The following SH3BP2 variants were observed in gnomAD, a reference collection of about 807,000 sequenced individuals.
SH3BP2 encodes the protein SH3 domain binding protein 2.
Under a neutral mutation model 56.2 loss-of-function variants are expected in SH3BP2, and 38 were observed. That is an observed-to-expected ratio of 0.68 (90% CI 0.52 to 0.89). SH3BP2 has a LOEUF of 0.89. Among genes scored for constraint, SH3BP2 ranks in the 40% least tolerant of loss-of-function variants. The pLI is 0.00. For synonymous variants in SH3BP2, 346 were observed against 316.7 expected (o/e 1.09, Z -0.98); for missense variants, 748 against 762.6 (o/e 0.98, Z 0.23).
chr4:2,820,761 C>T lies in SH3BP2; in HGVS notation c.136+8C>T. 1 of 1,612,316 alleles carries T rather than the reference C, an allele frequency of 6.2e-7. No individual in the cohort carries two copies. The highest frequency in any genetic ancestry group is 1.1e-5 in the South Asian group (1 of 90,980). ...AGCTGCAGCTGCTGAAATGTGAGTCCCTGGGGTGGTAGGGTGCACAGTAGG... is the reference window on the plus strand; with the variant it reads ...AGCTGCAGCTGCTGAAATGTGAGTCTCTGGGGTGGTAGGGTGCACAGTAGG... On this transcript the variant is annotated splice_region_variant and intron_variant, in intron 2 of 12. Transcript: ENST00000503393.
At chr4:2,820,828 T>C in intron 2 of SH3BP2, 75 bp downstream of exon 2, 1 of 1,459,786 alleles carries the variant, frequency 6.9e-7, no homozygotes, top group Non-Finnish European at 9.3e-7. Context: ...AAGCATCCTC[T>C]CCAAGCCTCT....
intron 1 of SH3BP2, among the ~76,000 whole-genome samples, chr4:2,813,891 G>A (rs143652736): frequency 7.9e-4 from 121 of 152,278 alleles, no homozygotes; most frequent in African/African-American, 2.5e-3. Flanking sequence ...GACAGGATGC[G>A]CATATATGAG....
intron 1 of SH3BP2, among the ~76,000 whole-genome samples, chr4:2,805,566 C>T (rs1723498385): frequency 6.6e-6 from 1 of 152,230 alleles, no homozygotes; most frequent in African/African-American, 2.4e-5. Context: ...GGGCACTGTT[C>T]AGGCACCAAG....
intron 1 of SH3BP2, among the ~76,000 whole-genome samples, chr4:2,801,743 G>A (rs1329782535): frequency 6.6e-6 from 1 of 152,246 alleles, no homozygotes; most frequent in Non-Finnish European, 1.5e-5. Context: ...CAGAAGGCAA[G>A]GGAATAGAAT....
chr4:2,818,977 C>T (rs1269464810), intron 1 of SH3BP2: 20 of 856,884 alleles, frequency 2.3e-5, no homozygotes, highest in African/African-American at 5.5e-5. Flanking sequence ...CTCAGTTGCC[C>T]AGACTGGAGA....
rs1189377182 is a variant in SH3BP2 at position 2,829,744 on chromosome 4, C to A, written c.838C>A (p.Pro280Thr). 1.9e-6 allele frequency: 3 copies of A among 1,612,874 alleles called. No homozygotes were observed. The highest frequency in any genetic ancestry group is 1.6e-4 in the Middle Eastern group (1 of 6,062). ...TGCTACCCCCCGAAGGATGAGCGAT[C>A]CCCCTCTGAGCACCATGCCCACCGC... is the stretch of plus-strand genomic sequence containing the variant. Reference protein sequence around the residue: ...VPATPRRMSDPPLSTMPTAPG... With the variant: ...VPATPRRMSDTPLSTMPTAPG... The change falls in exon 8 of 13, where the codon CCC becomes ACC. Residue 280 changes from proline (P) to threonine (T), a missense_variant. Physicochemically the swap from Pro to Thr is conservative, Grantham distance 38. This residue lies in a region of SH3BP2 where 635 missense variants were observed against 615.0 expected (regional missense o/e 1.03). Transcript: ENST00000503393. The surrounding 1 kb of genome is among the most constrained non-coding windows in gnomAD (Gnocchi z 4.9).
chr4:2,797,458 A>G (rs1037157889), intron 1 of SH3BP2, among the ~76,000 whole-genome samples: 4 of 152,244 alleles, frequency 2.6e-5, no homozygotes, highest in African/African-American at 9.6e-5. Context: ...GCAAGAGCAG[A>G]CAGGCCACAG....
intron 1 of SH3BP2, among the ~76,000 whole-genome samples, chr4:2,803,500 G>A (rs1366750577): frequency 2.0e-5 from 3 of 152,190 alleles, no homozygotes; most frequent in Non-Finnish European, 4.4e-5. Flanking sequence ...CGTGGAGGGG[G>A]AGGACGGAGC....
Position 2,824,605 on chromosome 4 carries a change from G to T in SH3BP2, c.240-8G>T, listed in dbSNP as rs1407193340. 6.2e-7 allele frequency: 1 copy of T among 1,605,244 alleles called. No individual in the cohort carries two copies. The highest frequency in any genetic ancestry group is 8.5e-7 in the Non-Finnish European group (1 of 1,172,918). Reference sequence around the variant, plus strand: ...ACCAGGCCGTGACCCCTGGCGCTGTGCCCCCAGGGTGATGCGGGCGGCTGA... The same window carrying T: ...ACCAGGCCGTGACCCCTGGCGCTGTTCCCCCAGGGTGATGCGGGCGGCTGA... On this transcript the variant is annotated splice_polypyrimidine_tract_variant and splice_region_variant and intron_variant, in intron 3 of 12. Coordinates refer to ENST00000503393, the MANE Select transcript of SH3BP2 (RefSeq NM_001122681.2).
chr4:2,832,311 A>T lies in SH3BP2; in HGVS notation c.1407-20A>T, dbSNP rs777951569. ...CTGCCCGAGGAGGACTCACCCGCTA[A>T]TATGACTGTCTTATTTTAGGTTGTT... On this transcript the variant is annotated intron_variant, in intron 10 of 12. Transcript: ENST00000503393. 1.9e-6 allele frequency: 3 copies of T among 1,605,956 alleles called. No individual in the cohort carries two copies. Among genetic ancestry groups the T allele is most frequent in the Non-Finnish European group, 2.6e-6 (3 of 1,172,538 alleles).
chr4:2,806,744 G>A (rs1723551094), intron 1 of SH3BP2, among the ~76,000 whole-genome samples: 1 of 152,228 alleles, frequency 6.6e-6, no homozygotes, highest in Non-Finnish European at 1.5e-5. Context: ...TCCAGGTGTG[G>A]AGGCCCCCGG....
At chr4:2,797,386 C>T (rs776734237) in intron 1 of SH3BP2, among the ~76,000 whole-genome samples, 2 of 152,140 alleles carry the variant, frequency 1.3e-5, no homozygotes, top group Non-Finnish European at 2.9e-5. Flanking sequence ...GCTGCCCAGC[C>T]CCGGGCCCCA....
Position 2,840,752 on chromosome 4 carries a change from C to G in SH3BP2, c.*6918C>G, listed in dbSNP as rs1725396635. 1 of 152,184 alleles carries G rather than the reference C, an allele frequency of 6.6e-6. No individual in the cohort carries two copies. Among genetic ancestry groups the G allele is most frequent in the African/African-American group, 2.4e-5 (1 of 41,446 alleles). The allele number at this position is 152,184 out of a possible 1,614,324, so 9.4% of individuals were successfully genotyped here. A position where few individuals can be genotyped will look rare whatever the true frequency, so the allele number is the denominator to read the frequency against. On this transcript the variant is annotated 3_prime_UTR_variant, in exon 13 of 13. Transcript: ENST00000503393. ...TGTCAATTCCAACAACAATGATGCA[C>G]TTGATAGTTTGGGAATTTATTATAG...
chr4:2,818,694 G>T (rs996821256), intron 1 of SH3BP2: 1 of 1,001,206 alleles, frequency 1.0e-6, no homozygotes, highest in Admixed American at 6.0e-5. Context: ...GCGGCGGGGT[G>T]TGGCGGCGCC....
intron 2 of SH3BP2, among the ~76,000 whole-genome samples, chr4:2,822,423 G>A (rs1355927348): frequency 2.0e-5 from 3 of 152,170 alleles, no homozygotes; most frequent in Non-Finnish European, 4.4e-5. Context: ...AGGCTGGAGT[G>A]CAGTAGCACG....
At position 2,836,463 on chromosome 4, in the gene SH3BP2, C is replaced by G. The variant is rs915010212; in HGVS notation, c.*2629C>G. 2.0e-5 allele frequency: 3 copies of G among 152,240 alleles called. No homozygotes were observed. Among genetic ancestry groups the G allele is most frequent in the African/African-American group, 7.2e-5 (3 of 41,438 alleles). 9.4% of individuals were successfully genotyped at this position (152,240 alleles called of 1,614,324 possible). A position where few individuals can be genotyped will look rare whatever the true frequency, so the allele number is the denominator to read the frequency against. On this transcript the variant is annotated 3_prime_UTR_variant, in exon 13 of 13. Transcript: ENST00000503393. The stretch of plus-strand genomic sequence containing the variant: ...CTTGGAGAAGCAGCTGCTAGTAGAC[C>G]CATTTTACAGGTGAGAGAACCAAGT...
chr4:2,818,651 C>A, intron 1 of SH3BP2: 1 of 920,746 alleles, frequency 1.1e-6, no homozygotes, highest in Non-Finnish European at 1.3e-6. Context: ...ATCCCCACTG[C>A]GGGGCTCCTT....
At chr4:2,825,605 CAG>C (rs964189652) in intron 5 of SH3BP2, among the ~76,000 whole-genome samples, 2 of 151,488 alleles carry the variant, frequency 1.3e-5, no homozygotes, top group African/African-American at 4.9e-5. Context: ...CACACACACA[CAG>C]AGCATGCACA....
intron 1 of SH3BP2, chr4:2,812,338 G>A (rs1013109649): frequency 6.5e-6 from 10 of 1,549,804 alleles, no homozygotes; most frequent in African/African-American, 1.4e-5. Flanking sequence ...GCAGCCAGGC[G>A]CGTCAGGCCT....
Sources: allele counts gnomAD v4.1 joint callset (sites outside exome capture counted in the v4.1 genomes callset), GRCh38; gene constraint gnomAD v4.1.1; regional missense constraint gnomAD v4.1.1; non-coding constraint Gnocchi (gnomAD v3.1); transcripts MANE v1.5; gene names NCBI Gene and HGNC (gene_info 2026-07-23, HGNC 2026-07-21).